Variants in CACNA2D1 observed in about 807,000 individuals in gnomAD.
The protein encoded by CACNA2D1 is calcium voltage-gated channel auxiliary subunit alpha2delta 1.
CACNA2D1 carries 53 observed loss-of-function variants against 171.5 expected under a neutral mutation model. The ratio of observed to expected loss-of-function variants is 0.31; its 90% CI spans 0.25 to 0.39. The LOEUF (loss-of-function observed/expected upper bound fraction) is 0.39, where lower values mean the gene tolerates loss of function less well. CACNA2D1 is among the 10% of genes least tolerant of loss of function. The probability of loss-of-function intolerance (pLI) is 1.00; values close to 1 mark genes in which losing one functional copy is unlikely to be tolerated. For synonymous variants in CACNA2D1, 442 were observed against 443.1 expected (o/e 1.00, Z 0.03); for missense variants, 903 against 1,299.8 (o/e 0.69, Z 4.69).
intron 3 of CACNA2D1, among the ~76,000 whole-genome samples, chr7:82,290,048 A>T (rs1811327126): frequency 6.6e-6 from 1 of 152,222 alleles, no homozygotes; most frequent in African/African-American, 2.4e-5. Context: ...AGAGGCTAGA[A>T]GTTGAAATAT....
chr7:81,974,614 G>C (rs1795636124), intron 24 of CACNA2D1, 62 bp from the exon 25 acceptor site: 3 of 863,184 alleles, frequency 3.5e-6, no homozygotes, highest in Non-Finnish European at 3.7e-6. Context: ...GGTAATTAAA[G>C]GTAGTGAAAA....
intron 3 of CACNA2D1, among the ~76,000 whole-genome samples, chr7:82,264,574 C>T (rs960030941): frequency 3.9e-5 from 6 of 152,174 alleles, no homozygotes; most frequent in Non-Finnish European, 8.8e-5. Context: ...ACTTTAATGG[C>T]TCTTCATAAA....
rs1298734530 is a variant in CACNA2D1, at chr7:81,962,335, T to C, written c.2836+105A>G. 11 of 881,128 alleles carry C rather than the reference T, an allele frequency of 1.2e-5. No homozygotes were observed. The African/African-American group carries it at 1.7e-4, about 14-fold the overall frequency. The allele number at this position is 881,128 out of a possible 1,614,324, so 54.6% of individuals were successfully genotyped here. On this transcript the variant is annotated intron_variant, in intron 35 of 38. Transcript: ENST00000356860. ...CTAAAATTATGAGATGGGTGACCTG[T>C]TTTCTCTTTCACACAAATATTCTCT... is the stretch of plus-strand genomic sequence containing the variant.
At chr7:82,369,747 T>G (rs970847793) in intron 1 of CACNA2D1, among the ~76,000 whole-genome samples, 1 of 152,032 alleles carries the variant, frequency 6.6e-6, no homozygotes, top group Admixed American at 6.5e-5. Context: ...AATAGCCCAG[T>G]TCCTCCATAA....
At chr7:82,097,399 G>GT (rs1377003937) in intron 6 of CACNA2D1, among the ~76,000 whole-genome samples, 1 of 152,144 alleles carries the variant, frequency 6.6e-6, no homozygotes, top group Non-Finnish European at 1.5e-5. Context: ...CTGGTGAGGA[G>GT]TAATACCATT....
chr7:82,140,150 A>G (rs1489162175), intron 4 of CACNA2D1, among the ~76,000 whole-genome samples: 2 of 152,056 alleles, frequency 1.3e-5, no homozygotes, highest in Non-Finnish European at 2.9e-5. Flanking sequence ...TATGGTCAAA[A>G]TATCAATGAA....
At chr7:82,111,442 ATATTTTT>A (rs1788435193) in intron 6 of CACNA2D1, among the ~76,000 whole-genome samples, 5 of 98,890 alleles carry the variant, frequency 5.1e-5, no homozygotes, top group Admixed American at 1.1e-4. Context: ...ATATATATAT[ATATTTTT>A]TTTTTTTTTT....
chr7:82,083,331 T>C (rs1810033068), intron 7 of CACNA2D1, among the ~76,000 whole-genome samples: 1 of 151,936 alleles, frequency 6.6e-6, no homozygotes, highest in Admixed American at 6.6e-5. Context: ...GTCTTCTAAT[T>C]TATAATTGTT....
In CACNA2D1 at chr7:81,950,641, T is replaced by C. The variant is rs1294308695; in HGVS notation, c.3160-133A>G. On this transcript the variant is annotated intron_variant, in intron 38 of 38. Coordinates refer to ENST00000356860, the MANE Select transcript of CACNA2D1 (RefSeq NM_000722.4). ...AACTTACCTTATAAAACTGCTGTAATTGAAATCCAAAGAAATTACTTTCTC... is the reference window on the plus strand; with the variant it reads ...AACTTACCTTATAAAACTGCTGTAACTGAAATCCAAAGAAATTACTTTCTC... 5.5e-6 allele frequency: 7 copies of C among 1,273,586 alleles called. No individual in the cohort carries two copies. In the East Asian group the frequency reaches 1.8e-4, roughly 32 times the overall value. 78.9% of individuals were successfully genotyped at this position (1,273,586 alleles called of 1,614,324 possible).
intron 3 of CACNA2D1, among the ~76,000 whole-genome samples, chr7:82,332,154 G>T (rs1291608017): frequency 6.6e-6 from 1 of 152,030 alleles, no homozygotes; most frequent in Non-Finnish European, 1.5e-5. Context: ...TCTGCCTCCC[G>T]AGTTCAAGCA....
At chr7:82,294,636 G>T (rs1812047020) in intron 3 of CACNA2D1, among the ~76,000 whole-genome samples, 3 of 151,940 alleles carry the variant, frequency 2.0e-5, no homozygotes, top group African/African-American at 7.3e-5. Context: ...AATCTAGTAA[G>T]CTAAAATAAT....
At chr7:82,060,812 G>C (rs1276761559) in intron 9 of CACNA2D1, among the ~76,000 whole-genome samples, 1 of 151,900 alleles carries the variant, frequency 6.6e-6, no homozygotes, top group Non-Finnish European at 1.5e-5. Flanking sequence ...GATACTGATG[G>C]TATAGTCACT....
At position 82,291,544 on chromosome 7, in the gene CACNA2D1, TAG is replaced by T. The variant is rs1244019139; in HGVS notation, c.294+43589_294+43590del. 4.4e-3 allele frequency among the ~76,000 whole-genome samples: 612 copies of T among 139,734 alleles called. 5 individuals carry two copies. The highest frequency in any genetic ancestry group is 7.2e-3 in the Admixed American group (96 of 13,414). 91.7% of individuals were successfully genotyped at this position (139,734 alleles called of 152,430 possible). On this transcript the variant is annotated intron_variant, in intron 3 of 38. Coordinates refer to ENST00000356860, the MANE Select transcript of CACNA2D1 (RefSeq NM_000722.4). ...TAGATAGATCTATATATGTGATATA[TAG>T]ATATATATAAATATATATATTTATA...
chr7:82,182,312 C>T (rs1342655847), intron 3 of CACNA2D1, among the ~76,000 whole-genome samples: 3 of 152,092 alleles, frequency 2.0e-5, no homozygotes, highest in Non-Finnish European at 4.4e-5. Flanking sequence ...TTAAACTACA[C>T]AACCACTTTA....
At chr7:82,245,424 T>C (rs756551349) in intron 3 of CACNA2D1, among the ~76,000 whole-genome samples, 4 of 152,094 alleles carry the variant, frequency 2.6e-5, no homozygotes, top group Non-Finnish European at 5.9e-5. Flanking sequence ...AAATTCGCCT[T>C]TAATGGTTTC....
At chr7:81,953,347 C>A (rs778638333) in intron 38 of CACNA2D1, among the ~76,000 whole-genome samples, 1 of 152,072 alleles carries the variant, frequency 6.6e-6, no homozygotes, top group African/African-American at 2.4e-5. Flanking sequence ...TTGAGGTCTA[C>A]AAAGCCTTAT....
At chr7:82,433,061 G>A (rs910274769) in intron 1 of CACNA2D1, among the ~76,000 whole-genome samples, 7 of 151,844 alleles carry the variant, frequency 4.6e-5, no homozygotes, top group Non-Finnish European at 8.8e-5. Context: ...GGTGGCGTGC[G>A]CCTGTAGTCC....
intron 3 of CACNA2D1, among the ~76,000 whole-genome samples, chr7:82,211,065 T>C (rs537105874): frequency 6.6e-6 from 1 of 152,192 alleles, no homozygotes; most frequent in Non-Finnish European, 1.5e-5. Flanking sequence ...CATTATTGTT[T>C]ATATGTTTTC....
At chr7:82,304,536 A>G (rs1358317123) in intron 3 of CACNA2D1, among the ~76,000 whole-genome samples, 1 of 152,138 alleles carries the variant, frequency 6.6e-6, no homozygotes, top group Non-Finnish European at 1.5e-5. Context: ...AAAAGAATGA[A>G]ATTTTGTCAT....
Sources: gnomAD v4.1 joint callset for allele counts (sites outside exome capture counted in the v4.1 genomes callset) on GRCh38, gnomAD v4.1.1 for gene constraint, MANE v1.5 for transcripts, NCBI Gene and HGNC (gene_info 2026-07-23, HGNC 2026-07-21) for gene names.